Variants in EBF2 observed in about 807,000 individuals in gnomAD.
EBF2 encodes transcription factor COE2.
Under a neutral mutation model 72.8 loss-of-function variants are expected in EBF2, and 21 were observed. That is an observed-to-expected ratio of 0.29 (90% CI 0.20 to 0.42). The LOEUF is 0.42. EBF2 is among the 10% of genes least tolerant of loss of function. EBF2 has a pLI of 1.00. For missense variants in EBF2, 637 were observed against 731.2 expected (o/e 0.87, Z 1.49); for synonymous variants, 299 against 274.2 (o/e 1.09, Z -0.89).
At chr8:26,033,215 C>G (rs775422635) in intron 5 of EBF2, 62 bp from the exon 6 acceptor site, 39 of 1,515,738 alleles carry the variant, frequency 2.6e-5, no homozygotes, top group Non-Finnish European at 3.3e-5. Context: ...ATGCAATGAG[C>G]ACATGACAAG....
chr8:25,877,469 T>C (rs1406669829), intron 10 of EBF2, among the ~76,000 whole-genome samples: 1 of 152,174 alleles, frequency 6.6e-6, no homozygotes, highest in Non-Finnish European at 1.5e-5. Flanking sequence ...CCACGGTTGG[T>C]GGAAAATTGA....
At chr8:25,957,181 C>G (rs1309051366) in intron 6 of EBF2, among the ~76,000 whole-genome samples, 3 of 152,172 alleles carry the variant, frequency 2.0e-5, no homozygotes, top group Admixed American at 6.5e-5. Flanking sequence ...CAGCTCTTTG[C>G]TAAAACTGCC....
At position 26,021,623 on chromosome 8, in the gene EBF2, A is replaced by G. The variant is rs113818121; in HGVS notation, c.551+11462T>C. ...TTTTCTGTGGAGGTATATCCCAAATATTGCATGGGACAAACTTATGCTGAA... is the reference window on the plus strand; with the variant it reads ...TTTTCTGTGGAGGTATATCCCAAATGTTGCATGGGACAAACTTATGCTGAA... On this transcript the variant is annotated intron_variant, in intron 6 of 15. Coordinates refer to ENST00000520164, the MANE Select transcript of EBF2 (RefSeq NM_022659.4). 1.3e-3 allele frequency among the ~76,000 whole-genome samples: 194 copies of G among 152,350 alleles called. 4 individuals carry two copies. Among genetic ancestry groups the G allele is most frequent in the African/African-American group, 4.4e-3 (185 of 41,576 alleles).
At chr8:25,950,554 G>A (rs1346080167) in intron 6 of EBF2, among the ~76,000 whole-genome samples, 1 of 152,198 alleles carries the variant, frequency 6.6e-6, no homozygotes, top group Non-Finnish European at 1.5e-5. Flanking sequence ...TCAAAGAGGG[G>A]ACAAAGGGAA....
rs867022618 is a variant in EBF2, at chr8:26,044,509, G to T, written c.131+220C>A. Among the ~76,000 whole-genome samples, 2 of 152,344 alleles carry T rather than the reference G, an allele frequency of 1.3e-5. No individual in the cohort carries two copies. The highest frequency in any genetic ancestry group is 1.9e-4 in the East Asian group (1 of 5,182). Reference sequence around the variant, plus strand: ...AAAGGAGAGGGAGAGAAACGCCTACGACCCAGGCAGTTCAGGAACTCGAGT... The same window carrying T: ...AAAGGAGAGGGAGAGAAACGCCTACTACCCAGGCAGTTCAGGAACTCGAGT... On this transcript the variant is annotated intron_variant, in intron 1 of 15. Transcript: ENST00000520164. The surrounding 1 kb of genome is among the most constrained non-coding windows in gnomAD (Gnocchi z 4.1).
chr8:26,042,867 C>CCTCG (rs1489043877), intron 1 of EBF2, among the ~76,000 whole-genome samples: 1 of 152,160 alleles, frequency 6.6e-6, no homozygotes, highest in Admixed American at 6.5e-5. Context: ...GGGCTGCTTG[C>CCTCG]CTCGCTCTTC....
At chr8:26,043,890 T>C (rs28558376) in intron 1 of EBF2, among the ~76,000 whole-genome samples, 3,759 of 152,110 alleles carry the variant, frequency 0.025, 167 homozygotes, top group African/African-American at 0.086. Flanking sequence ...CGTAATGTCT[T>C]CGTAGGGTGG....
rs1801769462 is a variant in EBF2 at position 25,843,300 on chromosome 8, A to G, written c.*1309T>C. The G allele has an allele frequency of 6.6e-6, 1 of 152,194 alleles. No homozygotes were observed. The highest frequency in any genetic ancestry group is 1.5e-5 in the Non-Finnish European group (1 of 68,058). 9.4% of individuals were successfully genotyped at this position (152,194 alleles called of 1,614,324 possible). A position where few individuals can be genotyped will look rare whatever the true frequency, so the allele number is the denominator to read the frequency against. On this transcript the variant is annotated 3_prime_UTR_variant, in exon 16 of 16. Coordinates refer to ENST00000520164, the MANE Select transcript of EBF2 (RefSeq NM_022659.4). ...CTAGAAACTGTCGAGTGGCATAGCT[A>G]TGTTTTTCAAGAGAGTTTAATGCCA...
chr8:25,923,416 C>A (rs1292420560), intron 6 of EBF2, among the ~76,000 whole-genome samples: 2 of 152,122 alleles, frequency 1.3e-5, no homozygotes, highest in African/African-American at 4.8e-5. Flanking sequence ...AAATCAGGCC[C>A]GGTATTTTTG....
chr8:26,041,292 G>T, intron 2 of EBF2: 2 of 480,068 alleles, frequency 4.2e-6, no homozygotes, highest in South Asian at 2.4e-5. Context: ...ACTTGCCAAA[G>T]CTGCCTTTAA....
At chr8:25,964,922 T>G (rs1016278258) in intron 6 of EBF2, among the ~76,000 whole-genome samples, 4 of 152,164 alleles carry the variant, frequency 2.6e-5, no homozygotes, top group African/African-American at 7.2e-5. Context: ...TCCTCATCTC[T>G]TCAATGCTGC....
intron 10 of EBF2, among the ~76,000 whole-genome samples, chr8:25,880,087 T>C (rs1802583112): frequency 6.6e-6 from 1 of 152,236 alleles, no homozygotes; most frequent in African/African-American, 2.4e-5. Flanking sequence ...TTCTCCTCTT[T>C]TTCCACAATG....
intron 6 of EBF2, among the ~76,000 whole-genome samples, chr8:25,961,004 T>C (rs926245883): frequency 6.6e-6 from 1 of 152,202 alleles, no homozygotes; most frequent in African/African-American, 2.4e-5. Context: ...TAAGTACCTA[T>C]ATTGATCAAT....
intron 6 of EBF2, among the ~76,000 whole-genome samples, chr8:25,985,964 T>C (rs891957499): frequency 5.3e-5 from 6 of 114,146 alleles, no homozygotes; most frequent in African/African-American, 2.1e-4. Flanking sequence ...ATCACACCAC[T>C]GCACACCAGC....
chr8:25,967,166 A>G (rs1289936123), intron 6 of EBF2, among the ~76,000 whole-genome samples: 2 of 152,224 alleles, frequency 1.3e-5, no homozygotes, highest in Non-Finnish European at 2.9e-5. Flanking sequence ...GGGAACTAAC[A>G]TCGGGAGAGG....
In EBF2 at chr8:26,040,662, G is replaced by C; in HGVS notation, c.362C>G (p.Thr121Arg). The change falls in exon 4 of 16, where the codon ACG (threonine) becomes AGG (arginine). Residue 121 changes from threonine to arginine, a missense_variant. Transcript: ENST00000520164. ...GAGCCTGACATAGAGGTCCTGTTCC[G>C]TGCGGACACCTGCGGGGACCGGAGG... ...LQLLYSNGVR[T>R]EQDLYVRLID... 1 of 1,555,522 alleles carries C rather than the reference G, an allele frequency of 6.4e-7. No individual in the cohort carries two copies. The highest frequency in any genetic ancestry group is 8.7e-7 in the Non-Finnish European group (1 of 1,149,038).
chr8:25,893,873 T>G (rs1482322385), intron 7 of EBF2, among the ~76,000 whole-genome samples: 1 of 152,212 alleles, frequency 6.6e-6, no homozygotes, highest in African/African-American at 2.4e-5. Flanking sequence ...TATTTTCTAT[T>G]AACAATAGAA....
In EBF2 at chr8:25,841,741, A is replaced by C. The variant is rs1184041991; in HGVS notation, c.*2868T>G. The C allele has an allele frequency of 1.3e-5, 2 of 152,164 alleles. No individual in the cohort carries two copies. Among genetic ancestry groups the C allele is most frequent in the Non-Finnish European group, 2.9e-5 (2 of 68,014 alleles). 9.4% of individuals were successfully genotyped at this position (152,164 alleles called of 1,614,324 possible). A position where few individuals can be genotyped will look rare whatever the true frequency, so the allele number is the denominator to read the frequency against. On this transcript the variant is annotated 3_prime_UTR_variant, in exon 16 of 16. Transcript: ENST00000520164. ...GTCCACTCATTTTTACAGTACAAAA[A>C]TTTTATTTTTTTGTTAGGATAATTT... is the stretch of plus-strand genomic sequence containing the variant.
intron 10 of EBF2, among the ~76,000 whole-genome samples, chr8:25,877,102 G>C (rs1393821418): frequency 6.6e-6 from 1 of 152,194 alleles, no homozygotes; most frequent in African/African-American, 2.4e-5. Context: ...CCTGGATTCT[G>C]TGGTTGGTGC....
Sources: allele counts gnomAD v4.1 joint callset (sites outside exome capture counted in the v4.1 genomes callset), GRCh38; gene constraint gnomAD v4.1.1; non-coding constraint Gnocchi (gnomAD v3.1); transcripts MANE v1.5; gene names NCBI Gene and HGNC (gene_info 2026-07-23, HGNC 2026-07-21).